PCDHA10: variants seen among roughly 807,000 people sequenced by gnomAD.
The protein encoded by PCDHA10 is protocadherin alpha-10.
Under a neutral mutation model 61.2 loss-of-function variants are expected in PCDHA10, and 45 were observed. That is an observed-to-expected ratio of 0.74 (90% CI 0.58 to 0.94). The LOEUF is 0.94. PCDHA10 is among the 40% of genes least tolerant of loss of function. The pLI, the probability that PCDHA10 is intolerant of heterozygous loss-of-function variation, is 0.00. For synonymous variants in PCDHA10, 602 were observed against 548.8 expected, an observed-to-expected ratio of 1.10 and a Z score of -1.35; for missense variants, 1,278 against 1,236.2, an observed-to-expected ratio of 1.03 and a Z score of -0.51.
At chr5:140,895,968 G>A (rs190056652) in intron 1 of PCDHA10, among the ~76,000 whole-genome samples, 2 of 151,938 alleles carry the variant, frequency 1.3e-5, no homozygotes, top group African/African-American at 2.4e-5. Context: ...CTGTCACCAG[G>A]CCTAGCTAAT....
chr5:140,908,756 C>A (rs2074138062), intron 1 of PCDHA10, among the ~76,000 whole-genome samples: 1 of 152,106 alleles, frequency 6.6e-6, no homozygotes, highest in Non-Finnish European at 1.5e-5. Flanking sequence ...TTGCACACAG[C>A]CTGGACGTGT....
intron 1 of PCDHA10, chr5:140,968,839 T>C (rs1426943047): frequency 1.3e-5 from 21 of 1,614,052 alleles, no homozygotes; most frequent in Non-Finnish European, 1.7e-5. Flanking sequence ...TCCCTGACAC[T>C]CAGAGGCATG....
chr5:140,947,277 T>C (rs1272482991), intron 1 of PCDHA10, among the ~76,000 whole-genome samples: 3 of 151,662 alleles, frequency 2.0e-5, no homozygotes, highest in African/African-American at 7.2e-5. Context: ...AAATACTTTT[T>C]CTTTTTATTG....
chr5:140,954,383 T>C (rs1333017700), intron 1 of PCDHA10, among the ~76,000 whole-genome samples: 6 of 152,208 alleles, frequency 3.9e-5, no homozygotes, highest in African/African-American at 1.4e-4. Context: ...ATGAGTGAAC[T>C]AATTTACAAC....
At position 140,887,760 on chromosome 5, in the gene PCDHA10, A is replaced by AT. The variant is rs1233050056; in HGVS notation, c.2388+29325dup. On this transcript the variant is annotated intron_variant, in intron 1 of 3. Coordinates refer to ENST00000307360, the MANE Select transcript of PCDHA10 (RefSeq NM_018901.4). Reference sequence around the variant, plus strand: ...CCTTTCTGAGACTCCAGTAACACATATGTTACAATGACACAGGTCATTGAA... The same window carrying AT: ...CCTTTCTGAGACTCCAGTAACACATATTGTTACAATGACACAGGTCATTGAA... Among the ~76,000 whole-genome samples, 21 of 152,264 alleles carry AT rather than the reference A, an allele frequency of 1.4e-4. No individual in the cohort carries two copies. In the East Asian group the frequency reaches 4.1e-3, roughly 29 times the overall value.
At chr5:140,915,766 T>G (rs2077298451) in intron 1 of PCDHA10, among the ~76,000 whole-genome samples, 1 of 151,974 alleles carries the variant, frequency 6.6e-6, no homozygotes, top group African/African-American at 2.4e-5. Context: ...CTGGGTCTTG[T>G]CCAAGGCCTG....
chr5:140,993,372 A>T (rs2097552472), intron 3 of PCDHA10, among the ~76,000 whole-genome samples: 1 of 151,976 alleles, frequency 6.6e-6, no homozygotes, highest in South Asian at 2.1e-4. Context: ...ACTACCTCCC[A>T]GCCGGGTCCC....
chr5:140,921,267 A>G (rs1371688460), intron 1 of PCDHA10, among the ~76,000 whole-genome samples: 2 of 152,168 alleles, frequency 1.3e-5, no homozygotes, highest in Non-Finnish European at 2.9e-5. Flanking sequence ...AGACTTTTAT[A>G]CTTACTTGAA....
At chr5:141,006,058 G>T (rs1002161598) in intron 3 of PCDHA10, among the ~76,000 whole-genome samples, 2 of 149,786 alleles carry the variant, frequency 1.3e-5, no homozygotes, top group Non-Finnish European at 3.0e-5. Flanking sequence ...GAGTGGAGAA[G>T]AAATAAAAAT....
intron 1 of PCDHA10, among the ~76,000 whole-genome samples, chr5:140,873,515 C>A (rs2054335003): frequency 6.6e-6 from 1 of 152,056 alleles, no homozygotes; most frequent in African/African-American, 2.4e-5. Context: ...ATACTTAATG[C>A]CAAGATTGCA....
chr5:140,968,927 T>C (rs1554231254), intron 1 of PCDHA10: 3 of 1,614,090 alleles, frequency 1.9e-6, no homozygotes, highest in African/African-American at 1.3e-5. Flanking sequence ...TATATTTCTT[T>C]TGACAATCAT....
chr5:140,928,552 G>A lies in PCDHA10; in HGVS notation c.2389-50397G>A, dbSNP rs145928329. On this transcript the variant is annotated intron_variant, in intron 1 of 3. Coordinates refer to ENST00000307360, the MANE Select transcript of PCDHA10 (RefSeq NM_018901.4). ...GGTAGATAGGAATGACAATTATCCGGTTATCTTGTTTCCCTTGCCCAGAAA... is the reference window on the plus strand; with the variant it reads ...GGTAGATAGGAATGACAATTATCCGATTATCTTGTTTCCCTTGCCCAGAAA... The A allele has an allele frequency of 6.7e-4, 1,075 of 1,614,218 alleles. 1 individual carries two copies. Among genetic ancestry groups the A allele is most frequent in the Non-Finnish European group, 8.6e-4 (1,013 of 1,180,042 alleles).
intron 1 of PCDHA10, among the ~76,000 whole-genome samples, chr5:140,950,908 T>G (rs1259421351): frequency 6.6e-6 from 1 of 152,072 alleles, no homozygotes; most frequent in Non-Finnish European, 1.5e-5. Flanking sequence ...TTTATTTTTA[T>G]TTTATTTCAG....
intron 1 of PCDHA10, among the ~76,000 whole-genome samples, chr5:140,894,606 T>C (rs1305424119): frequency 6.6e-6 from 1 of 152,022 alleles, no homozygotes; most frequent in Non-Finnish European, 1.5e-5. Context: ...CTCATCTCTC[T>C]TTTCAAAGCT....
chr5:140,875,651 T>C lies in PCDHA10; in HGVS notation c.2388+17215T>C, dbSNP rs782085221. 1.4e-5 allele frequency: 23 copies of C among 1,613,722 alleles called. No homozygotes were observed. The East Asian group carries it at 5.1e-4, about 36-fold the overall frequency. On this transcript the variant is annotated intron_variant, in intron 1 of 3. Transcript: ENST00000307360. The stretch of plus-strand genomic sequence containing the variant: ...CTGGGGCTGGAGCTGGCGGAGCTGG[T>C]GCCGCGCCTGTTCCGGGTGGCGTCC...
intron 1 of PCDHA10, among the ~76,000 whole-genome samples, chr5:140,935,636 G>A (rs1554210607): frequency 6.6e-6 from 1 of 152,052 alleles, no homozygotes; most frequent in African/African-American, 2.4e-5. Context: ...TTTAGGGCTT[G>A]CTTTTTAAAT....
chr5:140,927,805 C>T (rs2084654444), intron 1 of PCDHA10: 1 of 1,614,074 alleles, frequency 6.2e-7, no homozygotes, highest in South Asian at 1.1e-5. Context: ...GCCTGAAACG[C>T]TCTTGGAGGC....
At chr5:140,925,641 T>TATAATA (rs10569930) in intron 1 of PCDHA10, among the ~76,000 whole-genome samples, 37,208 of 143,074 alleles carry the variant, frequency 0.26, 4,933 homozygotes, top group Middle Eastern at 0.29. Context: ...GAACTTAAAG[T>TATAATA]ATAATAATAA....
intron 1 of PCDHA10, among the ~76,000 whole-genome samples, chr5:140,947,744 TG>T (rs1227312993): frequency 6.6e-6 from 1 of 151,630 alleles, no homozygotes; most frequent in Non-Finnish European, 1.5e-5. Flanking sequence ...CCTATTCTTA[TG>T]TATTTTATGG....
Sources: allele counts gnomAD v4.1 joint callset (sites outside exome capture counted in the v4.1 genomes callset), GRCh38; gene constraint gnomAD v4.1.1; transcripts MANE v1.5; gene names NCBI Gene and HGNC (gene_info 2026-07-23, HGNC 2026-07-21).